Variants in P2RY1 observed in about 807,000 individuals in gnomAD.
P2RY1 encodes the protein purinergic receptor P2Y1.
P2RY1 carries 14 observed loss-of-function variants against 22.8 expected under a neutral mutation model. The ratio of observed to expected loss-of-function variants is 0.61; its 90% confidence interval spans 0.41 to 0.96. The LOEUF (loss-of-function observed/expected upper bound fraction) is 0.96. Ranked by LOEUF, P2RY1 falls within the 40% of genes least tolerant of loss-of-function variation. The probability of loss-of-function intolerance (pLI) is 0.00; values close to 1 mark genes in which losing one functional copy is unlikely to be tolerated. For synonymous variants in P2RY1, 200 were observed against 195.1 expected, an observed-to-expected ratio of 1.03 and a Z score of -0.21; for missense variants, 395 against 470.3, an observed-to-expected ratio of 0.84 and a Z score of 1.48.
rs746655556 is a variant in P2RY1, at chr3:152,835,771, G to A, written c.-12G>A. On this transcript the variant is annotated 5_prime_UTR_variant, in exon 1 of 1. Transcript: ENST00000305097. The stretch of plus-strand genomic sequence containing the variant: ...ACCCCTCGGAGCCGCCGCCTAAGTC[G>A]AGGAGGAGAGAATGACCGAGGTGCT... The A allele has an allele frequency of 6.3e-7, 1 of 1,579,448 alleles. No homozygotes were observed. The highest frequency in any genetic ancestry group is 8.6e-7 in the Non-Finnish European group (1 of 1,166,162).
Position 152,839,719 on chromosome 3 carries a change from C to T in P2RY1, c.*2815C>T, listed in dbSNP as rs999107290. The T allele has an allele frequency of 9.9e-5, 15 of 152,218 alleles. No individual in the cohort carries two copies. The highest frequency in any genetic ancestry group is 3.1e-4 in the African/African-American group (13 of 41,452). 9.4% of individuals were successfully genotyped at this position (152,218 alleles called of 1,614,324 possible). A position where few individuals can be genotyped will look rare whatever the true frequency, so the allele number is the denominator to read the frequency against. On this transcript the variant is annotated 3_prime_UTR_variant, in exon 1 of 1. Coordinates refer to ENST00000305097, the MANE Select transcript of P2RY1 (RefSeq NM_002563.5). ...ACACATGGATTTAAAAGTTGGATGA[C>T]ATCCATTGTTGGGGCCTTGGGGGAT...
In P2RY1 at chr3:152,836,365, C is replaced by T. The variant is rs1390080693; in HGVS notation, c.583C>T (p.Arg195Cys). 3.7e-6 allele frequency: 6 copies of T among 1,613,894 alleles called. No homozygotes were observed. Among genetic ancestry groups the T allele is most frequent in the African/African-American group, 2.7e-5 (2 of 74,876 alleles). Reference sequence around the variant, plus strand: ...CCTCTTCTACTCAGGTACCGGGGTCCGCAAAAACAAAACCATCACCTGTTA... The same window carrying T: ...CCTCTTCTACTCAGGTACCGGGGTCTGCAAAAACAAAACCATCACCTGTTA... ...PILFYSGTGV[R>C]KNKTITCYDT... The change falls in exon 1 of 1, where the codon CGC (arginine) becomes TGC (cysteine). Residue 195 changes from arginine (R) to cysteine (C), a missense_variant. Physicochemically the swap from Arg to Cys is radical, Grantham distance 180. Transcript: ENST00000305097. This position sits in a 1 kb window ranked among gnomAD's most constrained non-coding sequence, Gnocchi z 5.6.
rs1404173746 is a variant in P2RY1 at position 152,837,138 on chromosome 3, CTAGT to C, written c.*237_*240del. Reference sequence around the variant, plus strand: ...AGTATGTATAATAAAACAATACTACCTAGTTAAACATTTACTTTCTCTTTTGCCT... The same window carrying C: ...AGTATGTATAATAAAACAATACTACCTAAACATTTACTTTCTCTTTTGCCT... On this transcript the variant is annotated 3_prime_UTR_variant, in exon 1 of 1. Coordinates refer to ENST00000305097, the MANE Select transcript of P2RY1 (RefSeq NM_002563.5). 4.4e-5 allele frequency: 21 copies of C among 481,814 alleles called. No homozygotes were observed. Among genetic ancestry groups the C allele is most frequent in the South Asian group, 4.4e-5 (1 of 22,792 alleles). The allele number at this position is 481,814 out of a possible 1,614,324, so 29.8% of individuals were successfully genotyped here.
At position 152,836,317 on chromosome 3, in the gene P2RY1, G is replaced by T; in HGVS notation, c.535G>T (p.Val179Leu). 1.2e-6 allele frequency: 2 copies of T among 1,614,124 alleles called. No homozygotes were observed. Among genetic ancestry groups the T allele is most frequent in the Non-Finnish European group, 1.7e-6 (2 of 1,180,038 alleles). Reference sequence around the variant, plus strand: ...TATCAGCGTGCTGGTGTGGCTCATTGTGGTGGTGGCGATCTCCCCCATCCT... The same window carrying T: ...TATCAGCGTGCTGGTGTGGCTCATTTTGGTGGTGGCGATCTCCCCCATCCT... Reference protein sequence around the residue: ...ICISVLVWLIVVVAISPILFY... With the variant: ...ICISVLVWLILVVAISPILFY... Residue 179 changes from valine to leucine, a missense_variant, in exon 1 of 1, where the codon GTG becomes TTG. Physicochemically the swap from Val to Leu is conservative, Grantham distance 32. Coordinates refer to ENST00000305097, the MANE Select transcript of P2RY1 (RefSeq NM_002563.5). The surrounding 1 kb of genome is among the most constrained non-coding windows in gnomAD (Gnocchi z 5.6).
chr3:152,835,868 C>G lies in P2RY1; in HGVS notation c.86C>G (p.Thr29Arg), dbSNP rs771382074. 2 of 1,613,620 alleles carry G rather than the reference C, an allele frequency of 1.2e-6. No individual in the cohort carries two copies. The highest frequency in any genetic ancestry group is 1.7e-5 in the Admixed American group (1 of 60,030). The change falls in exon 1 of 1, where the codon ACG becomes AGG. Residue 29 changes from threonine to arginine, a missense_variant. Physicochemically the swap from Thr to Arg is moderately conservative, Grantham distance 71 (BLOSUM62 -1). This residue lies in a region of P2RY1 where 98 missense variants were observed against 87.7 expected (regional missense o/e 1.12). Coordinates refer to ENST00000305097, the MANE Select transcript of P2RY1 (RefSeq NM_002563.5). Reference protein sequence around the residue: ...AGPGSSWGNSTVASTAAVSSS... With the variant: ...AGPGSSWGNSRVASTAAVSSS... Reference sequence around the variant, plus strand: ...CCGGGTTCGTCCTGGGGGAACAGCACGGTCGCCTCCACTGCCGCCGTCTCC... The same window carrying G: ...CCGGGTTCGTCCTGGGGGAACAGCAGGGTCGCCTCCACTGCCGCCGTCTCC...
rs1156292531 is a variant in P2RY1 at position 152,841,032 on chromosome 3, C to G, written c.*4128C>G. The G allele has an allele frequency of 1.3e-5, 2 of 151,908 alleles. No individual in the cohort carries two copies. The highest frequency in any genetic ancestry group is 6.6e-5 in the Admixed American group (1 of 15,248). 9.4% of individuals were successfully genotyped at this position (151,908 alleles called of 1,614,324 possible). A position where few individuals can be genotyped will look rare whatever the true frequency, so the allele number is the denominator to read the frequency against. On this transcript the variant is annotated 3_prime_UTR_variant, in exon 1 of 1. Transcript: ENST00000305097. ...CAAAAAATGTTTATTTTTATATTAT[C>G]TGTGATTTTAATATAGATGATTGAA...
Position 152,836,217 on chromosome 3 carries a change from C to T in P2RY1, c.435C>T (p.Ile145=), listed in dbSNP as rs768811902. Residue 145 remains isoleucine, a synonymous_variant, in exon 1 of 1, where the codon ATC becomes ATT. Transcript: ENST00000305097. This position sits in a 1 kb window ranked among gnomAD's most constrained non-coding sequence, Gnocchi z 5.6. ...GCAGCATCTTGTTTCTGACATGCAT[C>T]AGTGCCCACCGGTACAGCGGTGTGG... ...LYGSILFLTC[I]SAHRYSGVVY... The T allele has an allele frequency of 1.9e-6, 3 of 1,614,160 alleles. No individual in the cohort carries two copies. The highest frequency in any genetic ancestry group is 2.2e-5 in the South Asian group (2 of 91,078).
rs1017438186 is a variant in P2RY1 at position 152,835,655 on chromosome 3, G to T, written c.-128G>T. On this transcript the variant is annotated 5_prime_UTR_variant, in exon 1 of 1. Transcript: ENST00000305097. ...GGCGAGCCCCTGCGCGCCCCCTCCC[G>T]CGGGGATCCAGTTCGCCTGCTCCCT... is the stretch of plus-strand genomic sequence containing the variant. 1 of 934,820 alleles carries T rather than the reference G, an allele frequency of 1.1e-6. No individual in the cohort carries two copies. The highest frequency in any genetic ancestry group is 1.8e-5 in the South Asian group (1 of 56,590). 57.9% of individuals were successfully genotyped at this position (934,820 alleles called of 1,614,324 possible). A position where few individuals can be genotyped will look rare whatever the true frequency, so the allele number is the denominator to read the frequency against.
rs1187808593 is a variant in P2RY1, at chr3:152,836,327, C to T, written c.545C>T (p.Ala182Val). The change falls in exon 1 of 1, where the codon GCG becomes GTG. Residue 182 changes from alanine (A) to valine (V), a missense_variant. By Grantham distance (64) the Ala-to-Val change is moderately conservative (BLOSUM62 0). Coordinates refer to ENST00000305097, the MANE Select transcript of P2RY1 (RefSeq NM_002563.5). This position sits in a 1 kb window ranked among gnomAD's most constrained non-coding sequence, Gnocchi z 5.6. ...CTGGTGTGGCTCATTGTGGTGGTGG[C>T]GATCTCCCCCATCCTCTTCTACTCA... is the stretch of plus-strand genomic sequence containing the variant. ...SVLVWLIVVV[A>V]ISPILFYSGT... is the part of the protein sequence containing the mutation. 1 of 1,614,000 alleles carries T rather than the reference C, an allele frequency of 6.2e-7. No individual in the cohort carries two copies. Among genetic ancestry groups the T allele is most frequent in the South Asian group, 1.1e-5 (1 of 91,048 alleles).
rs1255154855 is a variant in P2RY1 at position 152,841,173 on chromosome 3, A to G, written c.*4269A>G. 6.6e-6 allele frequency: 1 copy of G among 152,092 alleles called. No homozygotes were observed. Among genetic ancestry groups the G allele is most frequent in the African/African-American group, 2.4e-5 (1 of 41,416 alleles). The allele number at this position is 152,092 out of a possible 1,614,324, so 9.4% of individuals were successfully genotyped here. A position where few individuals can be genotyped will look rare whatever the true frequency, so the allele number is the denominator to read the frequency against. On this transcript the variant is annotated 3_prime_UTR_variant, in exon 1 of 1. Coordinates refer to ENST00000305097, the MANE Select transcript of P2RY1 (RefSeq NM_002563.5). ...TCAGTGGTAGCTTAACAAAACCCAG[A>G]CTAATTGTGTGTAATTGTATTTTTA...
At position 152,837,715 on chromosome 3, in the gene P2RY1, T is replaced by A. The variant is rs978640316; in HGVS notation, c.*811T>A. 2 of 167,144 alleles carry A rather than the reference T, an allele frequency of 1.2e-5. No homozygotes were observed. The highest frequency in any genetic ancestry group is 2.9e-5 in the Non-Finnish European group (2 of 68,122). The allele number at this position is 167,144 out of a possible 1,614,324, so 10.4% of individuals were successfully genotyped here. A position where few individuals can be genotyped will look rare whatever the true frequency, so the allele number is the denominator to read the frequency against. On this transcript the variant is annotated 3_prime_UTR_variant, in exon 1 of 1. Coordinates refer to ENST00000305097, the MANE Select transcript of P2RY1 (RefSeq NM_002563.5). ...AAAGAGCATTTACTTGCCCCACTGC[T>A]GTGCAATGCCTTAGGACTTTGTTTG...
rs144362278 is a variant in P2RY1 at position 152,835,830 on chromosome 3, C to T, written c.48C>T (p.Ala16=). 6.1e-5 allele frequency: 99 copies of T among 1,612,198 alleles called. No homozygotes were observed. In the African/African-American group the frequency reaches 1.3e-3, roughly 21 times the overall value. ...CTGTCCCCAACGGGACGGACGCTGC[C>T]TTCCTGGCCGGTCCGGGTTCGTCCT... ...WPAVPNGTDA[A]FLAGPGSSWG... The change falls in exon 1 of 1, where the codon GCC becomes GCT. Residue 16 remains alanine, a synonymous_variant. Coordinates refer to ENST00000305097, the MANE Select transcript of P2RY1 (RefSeq NM_002563.5).
chr3:152,835,714 C>A lies in P2RY1; in HGVS notation c.-69C>A. 7.0e-7 allele frequency: 1 copy of A among 1,428,686 alleles called. No individual in the cohort carries two copies. The highest frequency in any genetic ancestry group is 9.3e-7 in the Non-Finnish European group (1 of 1,073,094). 88.5% of individuals were successfully genotyped at this position (1,428,686 alleles called of 1,614,324 possible). On this transcript the variant is annotated 5_prime_UTR_variant, in exon 1 of 1. Transcript: ENST00000305097. ...CTGGCTTTTCCGATGCTTGCTGCGC[C>A]CCTGGCCGCCGCTGCCCTCTCGCCG...
Position 152,841,174 on chromosome 3 carries a change from C to G in P2RY1, c.*4270C>G, listed in dbSNP as rs888185753. The G allele has an allele frequency of 6.6e-6, 1 of 151,938 alleles. No individual in the cohort carries two copies. Among genetic ancestry groups the G allele is most frequent in the Non-Finnish European group, 1.5e-5 (1 of 67,994 alleles). The allele number at this position is 151,938 out of a possible 1,614,324, so 9.4% of individuals were successfully genotyped here. On this transcript the variant is annotated 3_prime_UTR_variant, in exon 1 of 1. Transcript: ENST00000305097. ...CAGTGGTAGCTTAACAAAACCCAGA[C>G]TAATTGTGTGTAATTGTATTTTTAA...
In P2RY1 at chr3:152,837,431, C is replaced by G. The variant is rs990818597; in HGVS notation, c.*527C>G. On this transcript the variant is annotated 3_prime_UTR_variant, in exon 1 of 1. Coordinates refer to ENST00000305097, the MANE Select transcript of P2RY1 (RefSeq NM_002563.5). The stretch of plus-strand genomic sequence containing the variant: ...GGATCTCTGAGCGGGGTGTTTTTTT[C>G]AGTGTCTTATAAGCATAGATGATAG... The G allele has an allele frequency of 7.2e-5, 12 of 166,776 alleles. No homozygotes were observed. Among genetic ancestry groups the G allele is most frequent in the African/African-American group, 2.9e-4 (12 of 41,452 alleles). The allele number at this position is 166,776 out of a possible 1,614,324, so 10.3% of individuals were successfully genotyped here.
At position 152,840,746 on chromosome 3, in the gene P2RY1, G is replaced by A. The variant is rs1312620666; in HGVS notation, c.*3842G>A. Reference sequence around the variant, plus strand: ...GAGATAGCATAATCTTAACTGTTTTGAGATGGAATTTTAAAGTAACACACT... The same window carrying A: ...GAGATAGCATAATCTTAACTGTTTTAAGATGGAATTTTAAAGTAACACACT... On this transcript the variant is annotated 3_prime_UTR_variant, in exon 1 of 1. Transcript: ENST00000305097. The A allele has an allele frequency of 6.6e-5, 10 of 152,044 alleles. No homozygotes were observed. The highest frequency in any genetic ancestry group is 2.4e-4 in the African/African-American group (10 of 41,412). The allele number at this position is 152,044 out of a possible 1,614,324, so 9.4% of individuals were successfully genotyped here.
Position 152,837,615 on chromosome 3 carries a change from A to G in P2RY1, c.*711A>G, listed in dbSNP as rs1183716761. 6.0e-6 allele frequency: 1 copy of G among 167,128 alleles called. No individual in the cohort carries two copies. Among genetic ancestry groups the G allele is most frequent in the Non-Finnish European group, 1.5e-5 (1 of 68,140 alleles). 10.4% of individuals were successfully genotyped at this position (167,128 alleles called of 1,614,324 possible). On this transcript the variant is annotated 3_prime_UTR_variant, in exon 1 of 1. Coordinates refer to ENST00000305097, the MANE Select transcript of P2RY1 (RefSeq NM_002563.5). Reference sequence around the variant, plus strand: ...AGCCTGCATATATTATCGTACTGGTAAAATGCATTCAAAATAATTAAAGTG... The same window carrying G: ...AGCCTGCATATATTATCGTACTGGTGAAATGCATTCAAAATAATTAAAGTG...
At position 152,836,142 on chromosome 3, in the gene P2RY1, G is replaced by C; in HGVS notation, c.360G>C (p.Gly120=). 6.2e-7 allele frequency: 1 copy of C among 1,614,092 alleles called. No homozygotes were observed. Among genetic ancestry groups the C allele is most frequent in the Non-Finnish European group, 8.5e-7 (1 of 1,179,996 alleles). Residue 120 remains glycine (G), a synonymous_variant, in exon 1 of 1, where the codon GGG becomes GGC. Transcript: ENST00000305097. The surrounding 1 kb of genome is among the most constrained non-coding windows in gnomAD (Gnocchi z 5.6). ...YYFNKTDWIF[G]DAMCKLQRFI... ...TCAATAAAACAGACTGGATCTTCGGGGATGCCATGTGTAAACTGCAGAGGT... is the reference window on the plus strand; with the variant it reads ...TCAATAAAACAGACTGGATCTTCGGCGATGCCATGTGTAAACTGCAGAGGT...
In P2RY1 at chr3:152,836,202, G is replaced by T. The variant is rs780073537; in HGVS notation, c.420G>T (p.Leu140Phe). ...ATGTGAACCTCTATGGCAGCATCTT[G>T]TTTCTGACATGCATCAGTGCCCACC... ...IFHVNLYGSILFLTCISAHRY... is the reference protein window; with the variant it reads ...IFHVNLYGSIFFLTCISAHRY... Residue 140 changes from leucine to phenylalanine, a missense_variant, in exon 1 of 1, where the codon TTG becomes TTT. Leu to Phe is a conservative substitution (Grantham distance 22). Coordinates refer to ENST00000305097, the MANE Select transcript of P2RY1 (RefSeq NM_002563.5). This position sits in a 1 kb window ranked among gnomAD's most constrained non-coding sequence, Gnocchi z 5.6. The T allele has an allele frequency of 8.1e-6, 13 of 1,614,164 alleles. No homozygotes were observed. Among genetic ancestry groups the T allele is most frequent in the Non-Finnish European group, 8.5e-6 (10 of 1,180,038 alleles).
Sources: allele counts gnomAD v4.1 joint callset, GRCh38; gene constraint gnomAD v4.1.1; regional missense constraint gnomAD v4.1.1; non-coding constraint Gnocchi (gnomAD v3.1); transcripts MANE v1.5; gene names NCBI Gene and HGNC (gene_info 2026-07-23, HGNC 2026-07-21).